The following CDH13 variants were observed in gnomAD, a reference collection of about 807,000 sequenced individuals.
CDH13 encodes cadherin 13, also known as cadherin-13.
In CDH13, 24 loss-of-function variants were observed where a neutral mutation model predicts 63.8. That is an observed-to-expected ratio of 0.38 (90% CI 0.27 to 0.53). CDH13 has a LOEUF of 0.53. Ranked by LOEUF, CDH13 falls within the 20% of genes least tolerant of loss-of-function variation. The pLI is 0.85. For missense variants in CDH13, 1,049 were observed against 903.1 expected, an observed-to-expected ratio of 1.16 and a Z score of -2.07; for synonymous variants, 503 against 355.3, an observed-to-expected ratio of 1.42 and a Z score of -4.67.
Position 83,602,560 on chromosome 16 carries a change from A to C in CDH13, c.1067A>C (p.Lys356Thr), listed in dbSNP as rs376873585. 2 of 1,613,918 alleles carry C rather than the reference A, an allele frequency of 1.2e-6. No individual in the cohort carries two copies. Among genetic ancestry groups the C allele is most frequent in the Non-Finnish European group, 1.7e-6 (2 of 1,179,886 alleles). ...ACAGCCACGATCATGATCGATGACA[A>C]AAATGATCACTCACCAAAATTCACC... is the stretch of plus-strand genomic sequence containing the variant. ...TATATIMIDD[K>T]NDHSPKFTKK... The change falls in exon 8 of 14, where the codon AAA becomes ACA. Residue 356 changes from lysine to threonine, a missense_variant. By Grantham distance (78) the Lys-to-Thr change is moderately conservative (BLOSUM62 -1). Coordinates refer to ENST00000567109, the MANE Select transcript of CDH13 (RefSeq NM_001257.5).
intron 1 of CDH13, among the ~76,000 whole-genome samples, chr16:82,677,043 C>G (rs562578524): frequency 5.9e-5 from 9 of 152,272 alleles, no homozygotes; most frequent in South Asian, 4.1e-4. Flanking sequence ...GCCACCACAG[C>G]CAGCTAATTT....
intron 2 of CDH13, among the ~76,000 whole-genome samples, chr16:83,021,856 C>T (rs201337664): frequency 7.9e-5 from 12 of 152,248 alleles, no homozygotes; most frequent in East Asian, 7.7e-4. Flanking sequence ...AAGCCCAATA[C>T]GCATGTTCAG....
chr16:83,747,214 G>A (rs1912663836), intron 10 of CDH13, among the ~76,000 whole-genome samples: 1 of 152,148 alleles, frequency 6.6e-6, no homozygotes, highest in Admixed American at 6.5e-5. Flanking sequence ...ATCTGTAATA[G>A]TTTGGCTGTG....
intron 1 of CDH13, among the ~76,000 whole-genome samples, chr16:82,808,815 T>C (rs1401869990): frequency 6.6e-6 from 1 of 152,156 alleles, no homozygotes; most frequent in African/African-American, 2.4e-5. Context: ...AACTGCTGTG[T>C]CATGTTCCTG....
chr16:82,998,222 T>A (rs1178942517), intron 2 of CDH13, among the ~76,000 whole-genome samples: 2 of 152,334 alleles, frequency 1.3e-5, no homozygotes, highest in East Asian at 1.9e-4. Context: ...TTCCCTAGAA[T>A]AACTATTTTC....
intron 1 of CDH13, among the ~76,000 whole-genome samples, chr16:82,648,117 C>G (rs1201079852): frequency 6.6e-6 from 1 of 152,156 alleles, no homozygotes; most frequent in African/African-American, 2.4e-5. Context: ...AACTGTGTGT[C>G]CATTAAAACT....
intron 10 of CDH13, among the ~76,000 whole-genome samples, chr16:83,730,382 G>C (rs1188481026): frequency 1.3e-5 from 2 of 152,140 alleles, no homozygotes; most frequent in Admixed American, 1.3e-4. Flanking sequence ...ATTTCTTTAA[G>C]CTAAATAATT....
At chr16:83,644,502 C>T (rs990846437) in intron 8 of CDH13, among the ~76,000 whole-genome samples, 2 of 152,144 alleles carry the variant, frequency 1.3e-5, no homozygotes, top group African/African-American at 4.8e-5. Flanking sequence ...AATGCCTGGC[C>T]CAAAAGTATG....
intron 6 of CDH13, among the ~76,000 whole-genome samples, chr16:83,426,861 A>G (rs1048880463): frequency 6.7e-6 from 1 of 149,504 alleles, no homozygotes; most frequent in African/African-American, 2.5e-5. Flanking sequence ...TGGCCCCCCA[A>G]ATATGACTTT....
chr16:83,082,112 C>G (rs1263794163), intron 3 of CDH13, among the ~76,000 whole-genome samples: 1 of 152,162 alleles, frequency 6.6e-6, no homozygotes, highest in Non-Finnish European at 1.5e-5. Flanking sequence ...CTAATTACTT[C>G]TTAATGGCCC....
intron 4 of CDH13, among the ~76,000 whole-genome samples, chr16:83,142,545 C>T (rs2036578037): frequency 6.6e-6 from 1 of 152,156 alleles, no homozygotes; most frequent in Non-Finnish European, 1.5e-5. Context: ...TTCCTCAATT[C>T]CCCAAACTGA....
At chr16:82,662,005 C>G (rs1221591966) in intron 1 of CDH13, among the ~76,000 whole-genome samples, 1 of 152,202 alleles carries the variant, frequency 6.6e-6, no homozygotes, top group African/African-American at 2.4e-5. Context: ...GCTCCTTTGT[C>G]ACAGGCGGCT....
chr16:82,888,803 C>A (rs2040979946), intron 2 of CDH13, among the ~76,000 whole-genome samples: 1 of 152,182 alleles, frequency 6.6e-6, no homozygotes, highest in Non-Finnish European at 1.5e-5. Flanking sequence ...GTAAATGGAC[C>A]ATTGCCATTT....
At chr16:82,653,819 T>C (rs529727228) in intron 1 of CDH13, among the ~76,000 whole-genome samples, 1 of 152,118 alleles carries the variant, frequency 6.6e-6, no homozygotes, top group Non-Finnish European at 1.5e-5. Context: ...GGGCGCAGGA[T>C]GGGAGACAGA....
chr16:82,656,973 A>C (rs972383183), intron 1 of CDH13, among the ~76,000 whole-genome samples: 1 of 147,134 alleles, frequency 6.8e-6, no homozygotes, highest in Non-Finnish European at 1.5e-5. Context: ...GATGTATCAC[A>C]GTTTATCCAT....
At chr16:83,485,354 A>G (rs1383725108) in intron 6 of CDH13, among the ~76,000 whole-genome samples, 2 of 152,216 alleles carry the variant, frequency 1.3e-5, no homozygotes, top group Non-Finnish European at 2.9e-5. Flanking sequence ...TATCAGCTGC[A>G]TGGGAGGGAG....
rs545896546 is a variant in CDH13 at position 82,709,628 on chromosome 16, C to T, written c.45+82491C>T. Among the ~76,000 whole-genome samples, 13 of 152,282 alleles carry T rather than the reference C, an allele frequency of 8.5e-5. No individual in the cohort carries two copies. In the East Asian group the frequency reaches 2.1e-3, roughly 25 times the overall value. On this transcript the variant is annotated intron_variant, in intron 1 of 13. Transcript: ENST00000567109. ...AATTCATGTCAAGTATTTGGCCCAGCGACTGCGACATAGCAAGTGTTGGCT... is the reference window on the plus strand; with the variant it reads ...AATTCATGTCAAGTATTTGGCCCAGTGACTGCGACATAGCAAGTGTTGGCT...
chr16:83,307,970 A>G (rs962070045), intron 5 of CDH13, among the ~76,000 whole-genome samples: 23 of 152,204 alleles, frequency 1.5e-4, no homozygotes, highest in Admixed American at 1.3e-3. Flanking sequence ...AGGACATTGC[A>G]GCATGCCACC....
intron 5 of CDH13, among the ~76,000 whole-genome samples, chr16:83,238,798 C>T (rs1045619821): frequency 6.6e-6 from 1 of 152,110 alleles, no homozygotes; most frequent in South Asian, 2.1e-4. Flanking sequence ...TGAATGCCTT[C>T]TTTTTCATTC....
Sources: allele counts gnomAD v4.1 joint callset (sites outside exome capture counted in the v4.1 genomes callset), GRCh38; gene constraint gnomAD v4.1.1; transcripts MANE v1.5; gene names NCBI Gene and HGNC (gene_info 2026-07-23, HGNC 2026-07-21).